MACROD2: variants seen among roughly 807,000 people sequenced by gnomAD.
MACROD2 encodes the protein mono-ADP ribosylhydrolase 2.
A neutral mutation model predicts 70.4 loss-of-function variants in MACROD2; 36 were observed. The observed-to-expected ratio is 0.51, with a 90% CI of 0.39 to 0.68. The LOEUF is 0.68. Among genes scored for constraint, MACROD2 ranks in the 30% least tolerant of loss-of-function variants. The pLI, the probability that MACROD2 is intolerant of heterozygous loss-of-function variation, is 0.00. For missense variants in MACROD2, 496 were observed against 538.4 expected (o/e 0.92, Z 0.78); for synonymous variants, 172 against 178.8 (o/e 0.96, Z 0.30).
At chr20:15,126,492 G>T (rs1313612284) in intron 5 of MACROD2, among the ~76,000 whole-genome samples, 1 of 151,892 alleles carries the variant, frequency 6.6e-6, no homozygotes, top group Non-Finnish European at 1.5e-5. Context: ...AATAAAATTT[G>T]CATTTTTATC....
At chr20:14,977,039 G>A (rs907588768) in intron 5 of MACROD2, among the ~76,000 whole-genome samples, 1 of 152,126 alleles carries the variant, frequency 6.6e-6, no homozygotes. Flanking sequence ...ATCGAAAGAT[G>A]TCACTTCTTG....
At chr20:15,151,548 G>A (rs2076270118) in intron 5 of MACROD2, among the ~76,000 whole-genome samples, 1 of 152,066 alleles carries the variant, frequency 6.6e-6, no homozygotes, top group Admixed American at 6.5e-5. Flanking sequence ...GTCGGGAGCA[G>A]ATTGGGTAAT....
chr20:14,180,413 T>A (rs558997513), intron 3 of MACROD2, among the ~76,000 whole-genome samples: 1 of 152,148 alleles, frequency 6.6e-6, no homozygotes, highest in Admixed American at 6.6e-5. Context: ...GAGATATTAC[T>A]CCCAAACTGG....
rs1568739070 is a variant in MACROD2 at position 16,051,402 on chromosome 20, T to TG, written c.*1527dup. 1 of 152,238 alleles carries TG rather than the reference T, an allele frequency of 6.6e-6. No homozygotes were observed. The highest frequency in any genetic ancestry group is 1.5e-5 in the Non-Finnish European group (1 of 68,036). The allele number at this position is 152,238 out of a possible 1,614,324, so 9.4% of individuals were successfully genotyped here. A position where few individuals can be genotyped will look rare whatever the true frequency, so the allele number is the denominator to read the frequency against. ...CCTATGACTTTGGTTTTAGCCTTTC[T>TG]GAATTTGTTACCCCTTCTGGATGGC... On this transcript the variant is annotated 3_prime_UTR_variant, in exon 18 of 18. Transcript: ENST00000684519.
In MACROD2 at chr20:14,836,538, G is replaced by A. The variant is rs1000933469; in HGVS notation, c.418+151579G>A. 2.0e-5 allele frequency among the ~76,000 whole-genome samples: 3 copies of A among 152,010 alleles called. No homozygotes were observed. The South Asian group carries it at 6.2e-4, about 32-fold the overall frequency. On this transcript the variant is annotated intron_variant, in intron 5 of 17. Transcript: ENST00000684519. ...TCTGCATATGATGACTGTCTTTAAA[G>A]TAGGAATCCTCCAATCTGAAATGGC...
At chr20:15,253,212 C>G (rs1458011023) in intron 6 of MACROD2, among the ~76,000 whole-genome samples, 1 of 152,152 alleles carries the variant, frequency 6.6e-6, no homozygotes, top group African/African-American at 2.4e-5. Flanking sequence ...GTGGCTACCA[C>G]TGCTGTAGGA....
At chr20:15,088,784 T>TAC (rs1197125504) in intron 5 of MACROD2, among the ~76,000 whole-genome samples, 9 of 151,984 alleles carry the variant, frequency 5.9e-5, no homozygotes, top group Admixed American at 2.6e-4. Flanking sequence ...ATCTTCTATG[T>TAC]ATGTGCACAG....
At chr20:14,767,514 A>G (rs2072106690) in intron 5 of MACROD2, among the ~76,000 whole-genome samples, 1 of 151,854 alleles carries the variant, frequency 6.6e-6, no homozygotes, top group Non-Finnish European at 1.5e-5. Context: ...ATATAAACAG[A>G]ATGGGTTTGA....
Position 13,995,644 on chromosome 20 carries a change from G to C in MACROD2, c.-120G>C. ...CGAGCGGCGAGCAGCGCAGGACGCA[G>C]AGCCTCTTTCACTTTTTCCCTGCTG... is the stretch of plus-strand genomic sequence containing the variant. On this transcript the variant is annotated 5_prime_UTR_variant, in exon 1 of 18. Coordinates refer to ENST00000684519, the MANE Select transcript of MACROD2 (RefSeq NM_001351661.2). The surrounding 1 kb of genome is among the most constrained non-coding windows in gnomAD (Gnocchi z 4.3). 1 of 885,542 alleles carries C rather than the reference G, an allele frequency of 1.1e-6. No homozygotes were observed. Among genetic ancestry groups the C allele is most frequent in the Non-Finnish European group, 1.9e-6 (1 of 532,810 alleles). The allele number at this position is 885,542 out of a possible 1,614,324, so 54.9% of individuals were successfully genotyped here.
In MACROD2 at chr20:16,049,843, T is replaced by A; in HGVS notation, c.1314T>A (p.Asp438Glu). ...QEDQLIAGAQ[D>E]EAKEQRNGTK ...CTTTGTCTTCAGCAGGGGCACAAGA[T>A]GAAGCGAAGGAACAAAGAAATGGAA... Residue 438 changes from aspartate (D) to glutamate (E), a missense_variant, in exon 18 of 18, where the codon GAT becomes GAA. Physicochemically the swap from Asp to Glu is conservative, Grantham distance 45. Transcript: ENST00000684519. 1 of 1,611,954 alleles carries A rather than the reference T, an allele frequency of 6.2e-7. No homozygotes were observed. Among genetic ancestry groups the A allele is most frequent in the Non-Finnish European group, 8.5e-7 (1 of 1,179,562 alleles).
At chr20:14,685,736 C>G (rs2070994199) in intron 5 of MACROD2, among the ~76,000 whole-genome samples, 1 of 152,116 alleles carries the variant, frequency 6.6e-6, no homozygotes, top group Non-Finnish European at 1.5e-5. Context: ...AATTGAGACA[C>G]CAATTTGTTG....
At chr20:14,998,340 G>C (rs1238114935) in intron 5 of MACROD2, among the ~76,000 whole-genome samples, 1 of 152,138 alleles carries the variant, frequency 6.6e-6, no homozygotes, top group African/African-American at 2.4e-5. Context: ...ATTCAAAATA[G>C]CTGTTTTGAA....
intron 13 of MACROD2, among the ~76,000 whole-genome samples, chr20:15,976,097 G>T (rs1339258): frequency 3.9e-5 from 6 of 152,138 alleles, no homozygotes; most frequent in Non-Finnish European, 8.8e-5. Context: ...CTAATAATCT[G>T]CAAGCAATAA....
chr20:15,187,007 A>G (rs952886295), intron 5 of MACROD2, among the ~76,000 whole-genome samples: 1 of 152,192 alleles, frequency 6.6e-6, no homozygotes, highest in African/African-American at 2.4e-5. Flanking sequence ...TTGTAATCCT[A>G]TATATTGTAT....
chr20:15,242,644 A>G (rs1346537034), intron 6 of MACROD2, among the ~76,000 whole-genome samples: 3 of 152,238 alleles, frequency 2.0e-5, no homozygotes, highest in Non-Finnish European at 4.4e-5. Context: ...CTATCGTAAG[A>G]AAACATTTAT....
At chr20:15,337,617 A>G (rs990431131) in intron 6 of MACROD2, among the ~76,000 whole-genome samples, 1 of 151,772 alleles carries the variant, frequency 6.6e-6, no homozygotes, top group Non-Finnish European at 1.5e-5. Flanking sequence ...TATTATGGTG[A>G]GAACACTTAA....
chr20:14,501,702 C>A (rs1229383233), intron 4 of MACROD2, among the ~76,000 whole-genome samples: 3 of 151,890 alleles, frequency 2.0e-5, no homozygotes, highest in Non-Finnish European at 2.9e-5. Flanking sequence ...ATTAGCAAAT[C>A]ATGCTCAAAG....
intron 3 of MACROD2, among the ~76,000 whole-genome samples, chr20:14,431,263 T>C (rs2083991598): frequency 6.6e-6 from 1 of 152,120 alleles, no homozygotes; most frequent in African/African-American, 2.4e-5. Context: ...TACAGAGGCT[T>C]AACAGTTTGC....
intron 5 of MACROD2, among the ~76,000 whole-genome samples, chr20:15,137,753 TGTTAA>T (rs2076161478): frequency 6.6e-6 from 1 of 151,920 alleles, no homozygotes; most frequent in East Asian, 1.9e-4. Flanking sequence ...GGTACAGAAG[TGTTAA>T]GTTTTTAAAA....
Sources: allele counts gnomAD v4.1 joint callset (sites outside exome capture counted in the v4.1 genomes callset), GRCh38; gene constraint gnomAD v4.1.1; non-coding constraint Gnocchi (gnomAD v3.1); transcripts MANE v1.5; gene names NCBI Gene and HGNC (gene_info 2026-07-23, HGNC 2026-07-21).